The following GLYATL2 variants were observed in gnomAD, a reference collection of about 807,000 sequenced individuals.
The protein encoded by GLYATL2 is glycine-N-acyltransferase like 2.
GLYATL2 carries 25 observed loss-of-function variants against 21.4 expected under a neutral mutation model. The observed-to-expected ratio is 1.17, with a 90% CI of 0.85 to 1.63. The LOEUF is 1.63. GLYATL2 is among the 40% of genes most tolerant of loss of function. The pLI is 0.00. For synonymous variants in GLYATL2, 114 were observed against 118.2 expected (o/e 0.96, Z 0.23); for missense variants, 361 against 343.3 (o/e 1.05, Z -0.41).
chr11:58,855,201 T>C (rs1565094428), intron 1 of GLYATL2, among the ~76,000 whole-genome samples: 1 of 152,174 alleles, frequency 6.6e-6, no homozygotes, highest in Non-Finnish European at 1.5e-5. Context: ...GAAATCACAA[T>C]GTATTGCAGC....
At chr11:58,895,356 CAA>C (rs1269925981) in intron 1 of GLYATL2, among the ~76,000 whole-genome samples, 2 of 149,864 alleles carry the variant, frequency 1.3e-5, no homozygotes, top group Non-Finnish European at 1.5e-5. Flanking sequence ...GAGTTAAAAA[CAA>C]AGTCCAAGAA....
chr11:58,882,623 T>G (rs1854360868), intron 1 of GLYATL2, among the ~76,000 whole-genome samples: 2 of 152,206 alleles, frequency 1.3e-5, no homozygotes. Context: ...TTGTTGCCAT[T>G]GCTTTTGGGG....
chr11:58,903,057 T>C (rs1218283899), intron 1 of GLYATL2, among the ~76,000 whole-genome samples: 1 of 152,184 alleles, frequency 6.6e-6, no homozygotes, highest in African/African-American at 2.4e-5. Context: ...AAGGAAGAAA[T>C]GGAAGATTGG....
intron 1 of GLYATL2, among the ~76,000 whole-genome samples, chr11:58,891,510 A>G (rs1410652038): frequency 6.6e-6 from 1 of 152,204 alleles, no homozygotes; most frequent in Non-Finnish European, 1.5e-5. Context: ...GGTATTCACT[A>G]AAGTATCTTG....
intron 1 of GLYATL2, among the ~76,000 whole-genome samples, chr11:58,874,966 G>A (rs963219578): frequency 6.6e-6 from 1 of 152,062 alleles, no homozygotes; most frequent in African/African-American, 2.4e-5. Flanking sequence ...TATGAATCTG[G>A]GTGCTCCTAT....
chr11:58,879,103 GA>G (rs199728195), intron 1 of GLYATL2, among the ~76,000 whole-genome samples: 2 of 151,354 alleles, frequency 1.3e-5, no homozygotes, highest in East Asian at 1.9e-4. Flanking sequence ...GACTGCTGGG[GA>G]AAAAAAATAA....
At chr11:58,904,909 C>T (rs1854824969), upstream of GLYATL2, among the ~76,000 whole-genome samples, 1 of 152,238 alleles carries the variant, frequency 6.6e-6, no homozygotes, top group African/African-American at 2.4e-5. Context: ...CTTTGACCAA[C>T]TTCTCAAAAA....
chr11:58,891,834 T>A (rs1268263446), intron 1 of GLYATL2, among the ~76,000 whole-genome samples: 2 of 152,124 alleles, frequency 1.3e-5, no homozygotes, highest in African/African-American at 4.8e-5. Flanking sequence ...GAGAAGCAAT[T>A]GTTGCAATCT....
intron 1 of GLYATL2, among the ~76,000 whole-genome samples, chr11:58,888,640 G>A (rs1854484368): frequency 6.6e-6 from 1 of 151,434 alleles, no homozygotes; most frequent in African/African-American, 2.4e-5. Context: ...TTCTGTATTT[G>A]TTTCTAGTCT....
intron 3 of GLYATL2, among the ~76,000 whole-genome samples, chr11:58,837,626 T>C (rs1853463343): frequency 6.6e-6 from 1 of 152,188 alleles, no homozygotes; most frequent in South Asian, 2.1e-4. Context: ...GGTGAGTAAA[T>C]AACTCCATTG....
chr11:58,849,515 A>C (rs1338914398), upstream of GLYATL2, among the ~76,000 whole-genome samples: 1 of 152,208 alleles, frequency 6.6e-6, no homozygotes, highest in African/African-American at 2.4e-5. Flanking sequence ...CAAAACCTGA[A>C]CAGACCAATA....
intron 1 of GLYATL2, among the ~76,000 whole-genome samples, chr11:58,903,887 G>A (rs1234946102): frequency 1.3e-5 from 2 of 152,140 alleles, no homozygotes; most frequent in South Asian, 2.1e-4. Context: ...TTCAGTTGGA[G>A]TGGATTAGTA....
intron 5 of GLYATL2, among the ~76,000 whole-genome samples, chr11:58,836,497 T>C (rs1412400620): frequency 8.5e-5 from 13 of 152,194 alleles, no homozygotes; most frequent in Admixed American, 8.5e-4. Flanking sequence ...GTAATTCATC[T>C]TTCAGATATA....
intron 1 of GLYATL2, among the ~76,000 whole-genome samples, chr11:58,884,422 A>G (rs1854399305): frequency 1.3e-5 from 2 of 152,250 alleles, no homozygotes; most frequent in African/African-American, 4.8e-5. Context: ...CCAATAACAG[A>G]CAAACAGAGA....
At chr11:58,856,374 T>C (rs145674830) in intron 1 of GLYATL2, among the ~76,000 whole-genome samples, 62 of 152,370 alleles carry the variant, frequency 4.1e-4, no homozygotes, top group African/African-American at 1.4e-3. Context: ...TTTTGCTTTC[T>C]TATCATTGAT....
chr11:58,858,288 T>A (rs1853868180), intron 1 of GLYATL2, among the ~76,000 whole-genome samples: 1 of 152,172 alleles, frequency 6.6e-6, no homozygotes, highest in African/African-American at 2.4e-5. Context: ...AAACAGCCCC[T>A]CTTGCCCTGT....
intron 4 of GLYATL2, 29 bp downstream of exon 4, chr11:58,837,242 A>G (rs772568873): frequency 6.2e-7 from 1 of 1,613,066 alleles, no homozygotes; most frequent in African/African-American, 1.3e-5. Context: ...TAAACCATGG[A>G]TCTTTTTCTT....
At chr11:58,884,450 C>A (rs377528012) in intron 1 of GLYATL2, among the ~76,000 whole-genome samples, 1 of 152,168 alleles carries the variant, frequency 6.6e-6, no homozygotes, top group Non-Finnish European at 1.5e-5. Context: ...AATGAGTGAA[C>A]TCCCATTCAC....
chr11:58,906,811 G>A (rs1415304400), upstream of GLYATL2, among the ~76,000 whole-genome samples: 1 of 152,188 alleles, frequency 6.6e-6, no homozygotes, highest in East Asian at 1.9e-4. Flanking sequence ...TTTTAGGAAA[G>A]CATTGAGGTC....
Sources: gnomAD v4.1 joint callset for allele counts (sites outside exome capture counted in the v4.1 genomes callset) on GRCh38, gnomAD v4.1.1 for gene constraint, MANE v1.5 for transcripts, NCBI Gene and HGNC (gene_info 2026-07-23, HGNC 2026-07-21) for gene names.